The following RELN variants were observed in gnomAD, a reference collection of about 807,000 sequenced individuals.
RELN encodes reelin.
Under a neutral mutation model 427.6 loss-of-function variants are expected in RELN, and 108 were observed. That is an observed-to-expected ratio of 0.25 (90% confidence interval 0.22 to 0.30). RELN has a LOEUF of 0.30. RELN is among the 10% of genes least tolerant of loss of function. The probability of loss-of-function intolerance (pLI) is 1.00; values close to 1 mark genes in which losing one functional copy is unlikely to be tolerated. For missense variants in RELN, 3,715 were observed against 4,302.8 expected (o/e 0.86, Z 3.82); for synonymous variants, 1,524 against 1,513.4 (o/e 1.01, Z -0.16).
At position 103,872,049 on chromosome 7, in the gene RELN, TTTC is replaced by T. The variant is rs1464016099; in HGVS notation, c.338-38380_338-38378del. Reference sequence around the variant, plus strand: ...ATATATATTTTTCTTTTTTCTTTTTTTTCTTTTTTTATTTATTTATTTTTTTAT... The same window carrying T: ...ATATATATTTTTCTTTTTTCTTTTTTTTTTTTTATTTATTTATTTTTTTAT... On this transcript the variant is annotated intron_variant, in intron 2 of 64. Transcript: ENST00000428762. Among the ~76,000 whole-genome samples, 157 of 110,232 alleles carry T rather than the reference TTTC, an allele frequency of 1.4e-3. 1 individual carries two copies. The highest frequency in any genetic ancestry group is 3.6e-3 in the African/African-American group (126 of 35,348). The allele number at this position is 110,232 out of a possible 152,430, so 72.3% of individuals were successfully genotyped here.
intron 29 of RELN, 53 bp from the exon 30 acceptor site, chr7:103,574,352 G>A (rs985930457): frequency 6.0e-6 from 9 of 1,491,424 alleles, no homozygotes; most frequent in African/African-American, 1.4e-5. Flanking sequence ...CATTCAAAAC[G>A]AGGTCTATTC....
At chr7:103,903,110 A>G (rs1326258943) in intron 2 of RELN, among the ~76,000 whole-genome samples, 5 of 152,068 alleles carry the variant, frequency 3.3e-5, no homozygotes, top group Non-Finnish European at 5.9e-5. Context: ...CCACACTACA[A>G]ATAAAATGAC....
intron 24 of RELN, among the ~76,000 whole-genome samples, chr7:103,602,782 T>A (rs1174553598): frequency 6.6e-6 from 1 of 152,034 alleles, no homozygotes; most frequent in African/African-American, 2.4e-5. Context: ...TATACCTATG[T>A]AACAAACCTG....
At chr7:103,580,409 G>T (rs1009462547) in intron 28 of RELN, among the ~76,000 whole-genome samples, 1 of 152,132 alleles carries the variant, frequency 6.6e-6, no homozygotes, top group Admixed American at 6.5e-5. Context: ...TGAATATTTT[G>T]TCTTCCAAAA....
chr7:103,850,379 C>T (rs977778603), intron 2 of RELN, among the ~76,000 whole-genome samples: 1 of 152,174 alleles, frequency 6.6e-6, no homozygotes, highest in African/African-American at 2.4e-5. Flanking sequence ...TTACCTAGAG[C>T]TGAGTCAAGT....
At chr7:103,555,921 T>C (rs997680088) in intron 38 of RELN, among the ~76,000 whole-genome samples, 57 of 152,246 alleles carry the variant, frequency 3.7e-4, no homozygotes, top group African/African-American at 1.3e-3. Context: ...CTTTGCCTTT[T>C]CCATTTTTGT....
chr7:103,798,935 C>A (rs987372592), intron 3 of RELN, among the ~76,000 whole-genome samples: 1 of 152,162 alleles, frequency 6.6e-6, no homozygotes, highest in Non-Finnish European at 1.5e-5. Context: ...CAAGGGAAAC[C>A]CAAGTATCAG....
chr7:103,764,834 CAAA>C (rs545236187), intron 4 of RELN, among the ~76,000 whole-genome samples: 1 of 52,568 alleles, frequency 1.9e-5, no homozygotes, highest in Non-Finnish European at 4.4e-5. Flanking sequence ...AGACTCCTCT[CAAA>C]AAAAAAAAAA....
chr7:103,817,286 T>C (rs1792897524), intron 3 of RELN, among the ~76,000 whole-genome samples: 1 of 152,210 alleles, frequency 6.6e-6, no homozygotes, highest in African/African-American at 2.4e-5. Flanking sequence ...GTGTCCCCCA[T>C]AAACTTGAAT....
intron 1 of RELN, among the ~76,000 whole-genome samples, chr7:103,958,367 T>C (rs960498768): frequency 9.8e-5 from 15 of 152,310 alleles, no homozygotes; most frequent in African/African-American, 3.4e-4. Context: ...AAACAGGAGT[T>C]AAGGTCTGAT....
At chr7:103,520,811 T>C (rs1278618053) in intron 48 of RELN, among the ~76,000 whole-genome samples, 1 of 152,144 alleles carries the variant, frequency 6.6e-6, no homozygotes, top group African/African-American at 2.4e-5. Context: ...TTTCTCAGTG[T>C]TGCTGATTAT....
chr7:103,638,309 C>T (rs977270280), intron 17 of RELN, among the ~76,000 whole-genome samples: 1 of 152,116 alleles, frequency 6.6e-6, no homozygotes, highest in African/African-American at 2.4e-5. Flanking sequence ...GCTCTGTCTC[C>T]TCATTAGCAT....
In RELN at chr7:103,561,814, C is replaced by T. The variant is rs374736779; in HGVS notation, c.5350G>A (p.Val1784Met). The T allele has an allele frequency of 9.9e-6, 16 of 1,613,878 alleles. No homozygotes were observed. The highest frequency in any genetic ancestry group is 2.7e-5 in the African/African-American group (2 of 74,880). ...GRGICDAGRC[V>M]CDRGFGGPYC... ...AAACTGTCAGTTTTATTAACTTACACACAGCGTCCAGCATCACAAATCCCT... is the reference window on the plus strand; with the variant it reads ...AAACTGTCAGTTTTATTAACTTACATACAGCGTCCAGCATCACAAATCCCT... The change falls in exon 35 of 65, where the codon GTG becomes ATG. Residue 1784 changes from valine (V) to methionine (M), a missense_variant and splice_region_variant. Around this residue, in one of 4 missense-constraint regions of RELN, gnomAD observed 2,208 missense variants for 2,361.7 expected, o/e 0.93. Coordinates refer to ENST00000428762, the MANE Select transcript of RELN (RefSeq NM_005045.4).
chr7:103,706,605 C>T (rs1382947242), intron 8 of RELN, among the ~76,000 whole-genome samples: 2 of 152,000 alleles, frequency 1.3e-5, no homozygotes, highest in Non-Finnish European at 2.9e-5. Flanking sequence ...TATACTTCTC[C>T]TGGTGTACAA....
chr7:103,773,112 C>A (rs1563004135), intron 4 of RELN, among the ~76,000 whole-genome samples: 1 of 52,830 alleles, frequency 1.9e-5, no homozygotes, highest in Non-Finnish European at 4.6e-5. Flanking sequence ...TTCTTTCTTT[C>A]TTTCTTTCTT....
At chr7:103,816,560 C>T (rs1792875891) in intron 3 of RELN, among the ~76,000 whole-genome samples, 1 of 151,748 alleles carries the variant, frequency 6.6e-6, no homozygotes, top group African/African-American at 2.4e-5. Flanking sequence ...CACACACACA[C>T]ACACACAACT....
chr7:103,884,342 T>C (rs1794676100), intron 2 of RELN, among the ~76,000 whole-genome samples: 1 of 152,158 alleles, frequency 6.6e-6, no homozygotes, highest in Non-Finnish European at 1.5e-5. Context: ...GAAGAAAACT[T>C]AGGCAATACC....
At chr7:103,817,718 G>A (rs991916100) in intron 3 of RELN, among the ~76,000 whole-genome samples, 19 of 151,610 alleles carry the variant, frequency 1.3e-4, no homozygotes, top group Admixed American at 1.1e-3. Context: ...AGGCTGAGGC[G>A]GGCAGATCAC....
At chr7:103,964,281 C>A (rs182914667) in intron 1 of RELN, among the ~76,000 whole-genome samples, 2 of 152,210 alleles carry the variant, frequency 1.3e-5, no homozygotes, top group East Asian at 3.9e-4. Context: ...TGGAGTAAGT[C>A]ATTCCTTTTG....
Sources: gnomAD v4.1 joint callset for allele counts (sites outside exome capture counted in the v4.1 genomes callset) on GRCh38, gnomAD v4.1.1 for gene constraint, gnomAD v4.1.1 regional missense constraint, MANE v1.5 for transcripts, NCBI Gene and HGNC (gene_info 2026-07-23, HGNC 2026-07-21) for gene names.